Variants in OSBPL10 observed in about 807,000 individuals in gnomAD.
The protein encoded by OSBPL10 is oxysterol-binding protein-related protein 10.
A neutral mutation model predicts 81.7 loss-of-function variants in OSBPL10; 49 were observed. The observed-to-expected ratio is 0.60, with a 90% confidence interval of 0.48 to 0.76. OSBPL10 has a LOEUF of 0.76. OSBPL10 is among the 30% of genes least tolerant of loss of function. The pLI is 0.00. For missense variants in OSBPL10, 923 were observed against 987.8 expected, an observed-to-expected ratio of 0.93 and a Z score of 0.88; for synonymous variants, 419 against 383.6, an observed-to-expected ratio of 1.09 and a Z score of -1.08.
intron 11 of OSBPL10, chr3:31,663,673 C>CACCCA: frequency 9.3e-7 from 1 of 1,079,162 alleles, no homozygotes. Context: ...GGCTCCAGCC[C>CACCCA]ACCCAGGTGT....
At chr3:31,894,720 T>C (rs1051339810) in intron 1 of OSBPL10, among the ~76,000 whole-genome samples, 1 of 152,224 alleles carries the variant, frequency 6.6e-6, no homozygotes, top group African/African-American at 2.4e-5. Context: ...ATTTCAGCTC[T>C]GCCACTGATT....
chr3:31,777,178 C>A (rs1409164850), intron 4 of OSBPL10, among the ~76,000 whole-genome samples: 1 of 152,236 alleles, frequency 6.6e-6, no homozygotes, highest in Non-Finnish European at 1.5e-5. Context: ...TCCTGCAGCA[C>A]TGAACAGCAC....
chr3:31,710,038 A>T (rs1159377364), intron 6 of OSBPL10, among the ~76,000 whole-genome samples: 2 of 152,208 alleles, frequency 1.3e-5, no homozygotes, highest in African/African-American at 4.8e-5. Context: ...CATAGTGAGG[A>T]TAAGGAAGAG....
At chr3:32,029,133 A>C (rs1699444452) in intron 2 of OSBPL10, among the ~76,000 whole-genome samples, 2 of 152,074 alleles carry the variant, frequency 1.3e-5, no homozygotes, top group South Asian at 4.2e-4. Flanking sequence ...TTTCCTGATA[A>C]GCTCTCAGGA....
intron 5 of OSBPL10, among the ~76,000 whole-genome samples, chr3:31,741,996 T>G (rs1045012651): frequency 4.6e-5 from 7 of 152,246 alleles, no homozygotes; most frequent in African/African-American, 1.7e-4. Flanking sequence ...GTAAGTCCAA[T>G]AAACCCCTTT....
chr3:31,675,033 C>G (rs1228842092), intron 8 of OSBPL10, among the ~76,000 whole-genome samples: 1 of 152,146 alleles, frequency 6.6e-6, no homozygotes, highest in Non-Finnish European at 1.5e-5. Context: ...GGACATAACC[C>G]CATCATAAGC....
intron 2 of OSBPL10, among the ~76,000 whole-genome samples, chr3:32,027,423 A>T (rs1346934845): frequency 1.3e-5 from 2 of 152,210 alleles, no homozygotes; most frequent in Non-Finnish European, 2.9e-5. Flanking sequence ...GAGGAATGGG[A>T]TTGAGGTGAT....
intron 6 of OSBPL10, chr3:31,710,685 T>C (rs1364951682): frequency 1.3e-5 from 2 of 152,312 alleles, no homozygotes; most frequent in Non-Finnish European, 2.9e-5. Context: ...GAGGACCAGC[T>C]GTGGTTTGGA....
intron 1 of OSBPL10, among the ~76,000 whole-genome samples, chr3:31,894,772 A>G (rs1696004328): frequency 6.6e-6 from 1 of 152,160 alleles, no homozygotes; most frequent in Admixed American, 6.5e-5. Context: ...ACAGACTACT[A>G]CCCACTAAAT....
At chr3:31,748,225 A>C (rs980325201) in intron 4 of OSBPL10, 105 bp from the exon 5 acceptor site, 3 of 978,234 alleles carry the variant, frequency 3.1e-6, no homozygotes, top group Non-Finnish European at 3.1e-6. Context: ...GGTGAGGGTC[A>C]ACTCAGCGTG....
intron 4 of OSBPL10, among the ~76,000 whole-genome samples, chr3:31,797,008 TTTTTTG>T (rs898281088): frequency 1.4e-5 from 2 of 147,352 alleles, no homozygotes; most frequent in African/African-American, 5.0e-5. Flanking sequence ...TTTTTTTTTT[TTTTTTG>T]AGACAGAGGC....
chr3:31,870,352 G>A (rs1321751141), intron 3 of OSBPL10, among the ~76,000 whole-genome samples: 11 of 152,236 alleles, frequency 7.2e-5, no homozygotes, highest in Non-Finnish European at 1.6e-4. Context: ...TAGCTTTCCC[G>A]CGGGGCAGGG....
At chr3:31,716,140 C>T (rs773197317) in intron 6 of OSBPL10, among the ~76,000 whole-genome samples, 1 of 152,128 alleles carries the variant, frequency 6.6e-6, no homozygotes, top group East Asian at 1.9e-4. Context: ...CCCCTCCAGA[C>T]CTACAGACAC....
At chr3:31,737,257 G>A (rs538555084) in intron 5 of OSBPL10, among the ~76,000 whole-genome samples, 15 of 152,264 alleles carry the variant, frequency 9.9e-5, no homozygotes, top group African/African-American at 3.6e-4. Context: ...TTAGGAGGCT[G>A]GATAGAGCTG....
intron 5 of OSBPL10, among the ~76,000 whole-genome samples, chr3:31,733,650 A>T (rs760314080): frequency 7.7e-4 from 117 of 151,702 alleles, no homozygotes; most frequent in Non-Finnish European, 1.5e-3. Flanking sequence ...ACAGTGGACA[A>T]AAACAATTGC....
chr3:31,875,368 G>A (rs1487718596), intron 3 of OSBPL10, among the ~76,000 whole-genome samples: 1 of 151,988 alleles, frequency 6.6e-6, no homozygotes, highest in East Asian at 1.9e-4. Context: ...TGTATATAAA[G>A]TACCAATTAA....
chr3:31,725,138 C>G (rs2125646999), intron 6 of OSBPL10, among the ~76,000 whole-genome samples: 1 of 152,302 alleles, frequency 6.6e-6, no homozygotes, highest in East Asian at 1.9e-4. Flanking sequence ...TTATGAAAAT[C>G]TGCTAAACTA....
intron 4 of OSBPL10, among the ~76,000 whole-genome samples, chr3:31,755,573 C>T (rs1255803882): frequency 6.6e-6 from 1 of 152,188 alleles, no homozygotes; most frequent in Non-Finnish European, 1.5e-5. Context: ...GCCATGATCC[C>T]AGGTTTTTCT....
intron 2 of OSBPL10, among the ~76,000 whole-genome samples, chr3:32,033,464 T>G (rs1699490267): frequency 6.6e-6 from 1 of 152,166 alleles, no homozygotes; most frequent in South Asian, 2.1e-4. Context: ...GAGAAATATC[T>G]CCTTTCTAGT....
Sources: allele counts gnomAD v4.1 joint callset (sites outside exome capture counted in the v4.1 genomes callset), GRCh38; gene constraint gnomAD v4.1.1; transcripts MANE v1.5; gene names NCBI Gene and HGNC (gene_info 2026-07-23, HGNC 2026-07-21).